Variants in GPC5 observed in about 807,000 individuals in gnomAD.
GPC5 encodes glypican 5.
In GPC5, 47 loss-of-function variants were observed where a neutral mutation model predicts 53.9. That is an observed-to-expected ratio of 0.87 (90% confidence interval 0.69 to 1.11). The LOEUF is 1.11. Among genes scored for constraint, GPC5 ranks in the 50% most tolerant of loss-of-function variants. The probability of loss-of-function intolerance (pLI) is 0.00; values close to 1 mark genes in which losing one functional copy is unlikely to be tolerated. For synonymous variants in GPC5, 286 were observed against 263.3 expected, an observed-to-expected ratio of 1.09 and a Z score of -0.84; for missense variants, 748 against 713.1, an observed-to-expected ratio of 1.05 and a Z score of -0.56.
chr13:91,451,334 G>C (rs1416506641), intron 2 of GPC5, among the ~76,000 whole-genome samples: 1 of 152,072 alleles, frequency 6.6e-6, no homozygotes, highest in Non-Finnish European at 1.5e-5. Flanking sequence ...TTTCCTCATG[G>C]ACCTTATGTG....
At chr13:91,770,084 C>T (rs1161356080) in intron 5 of GPC5, among the ~76,000 whole-genome samples, 1 of 152,222 alleles carries the variant, frequency 6.6e-6, no homozygotes, top group East Asian at 1.9e-4. Flanking sequence ...TTATCATTTG[C>T]TAGAATGGCT....
intron 7 of GPC5, among the ~76,000 whole-genome samples, chr13:92,253,935 T>A (rs1422142166): frequency 1.3e-5 from 2 of 152,036 alleles, no homozygotes; most frequent in Non-Finnish European, 2.9e-5. Context: ...CTATAGAGTG[T>A]CAGGGAACCA....
chr13:91,793,642 A>T (rs2038003631), intron 5 of GPC5, among the ~76,000 whole-genome samples: 1 of 152,048 alleles, frequency 6.6e-6, no homozygotes, highest in Non-Finnish European at 1.5e-5. Context: ...ACTACCTGAG[A>T]CTGCATAATT....
chr13:92,348,658 A>G (rs913454624), intron 7 of GPC5, among the ~76,000 whole-genome samples: 3 of 152,192 alleles, frequency 2.0e-5, no homozygotes, highest in Non-Finnish European at 2.9e-5. Context: ...AACATTCTCC[A>G]GGGTAGATCA....
At chr13:91,963,781 C>T (rs572602836) in intron 6 of GPC5, among the ~76,000 whole-genome samples, 1 of 152,084 alleles carries the variant, frequency 6.6e-6, no homozygotes, top group African/African-American at 2.4e-5. Context: ...ATGCCACAAT[C>T]TGATGGGGTA....
intron 6 of GPC5, among the ~76,000 whole-genome samples, chr13:92,032,459 C>T (rs577100843): frequency 8.0e-5 from 12 of 150,072 alleles, no homozygotes; most frequent in Non-Finnish European, 1.5e-4. Context: ...AAAAAAAAAA[C>T]AGAAACAAAA....
intron 7 of GPC5, among the ~76,000 whole-genome samples, chr13:92,853,459 TCAGG>T: frequency 6.6e-6 from 1 of 152,298 alleles, no homozygotes; most frequent in East Asian, 1.9e-4. Context: ...ATCCAAAGTT[TCAGG>T]CATCTACTAG....
chr13:92,004,461 TATA>T (rs1331019815), intron 6 of GPC5, among the ~76,000 whole-genome samples: 1,306 of 41,356 alleles, frequency 0.032, 38 homozygotes, highest in African/African-American at 0.068. Flanking sequence ...AAAAAAATTA[TATA>T]TATATATATA....
intron 2 of GPC5, among the ~76,000 whole-genome samples, chr13:91,609,228 C>T (rs1286519016): frequency 6.6e-6 from 1 of 151,482 alleles, no homozygotes; most frequent in African/African-American, 2.4e-5. Flanking sequence ...AATGCTGTAT[C>T]ATATTAGGTG....
At chr13:91,852,835 A>G (rs2038929395) in intron 5 of GPC5, among the ~76,000 whole-genome samples, 1 of 152,122 alleles carries the variant, frequency 6.6e-6, no homozygotes, top group Non-Finnish European at 1.5e-5. Flanking sequence ...TGTTATGTGG[A>G]GCATGCCTAT....
intron 6 of GPC5, among the ~76,000 whole-genome samples, chr13:91,949,185 A>T (rs1421771183): frequency 6.6e-6 from 1 of 152,200 alleles, no homozygotes; most frequent in Non-Finnish European, 1.5e-5. Flanking sequence ...TATTGCCTTC[A>T]GTTGTAACCA....
intron 7 of GPC5, among the ~76,000 whole-genome samples, chr13:92,535,913 A>G (rs986665227): frequency 2.0e-5 from 3 of 152,202 alleles, no homozygotes; most frequent in African/African-American, 7.2e-5. Context: ...AATCATGATT[A>G]TCTTAATCAA....
chr13:91,857,097 T>G (rs968586738), intron 5 of GPC5, among the ~76,000 whole-genome samples: 1 of 151,416 alleles, frequency 6.6e-6, no homozygotes, highest in African/African-American at 2.4e-5. Flanking sequence ...TTTCTATTAG[T>G]CTATTTATCT....
rs75951316 is a variant in GPC5, at chr13:91,924,040, C to T, written c.1401+15983C>T. 6.8e-4 allele frequency among the ~76,000 whole-genome samples: 104 copies of T among 152,100 alleles called. 1 individual carries two copies. In the East Asian group the frequency reaches 0.02, roughly 29 times the overall value. Reference sequence around the variant, plus strand: ...GAATCACATTACCCAAGAAGAGGCTCAATATTTCTAGAAAATAAATATATT... The same window carrying T: ...GAATCACATTACCCAAGAAGAGGCTTAATATTTCTAGAAAATAAATATATT... On this transcript the variant is annotated intron_variant, in intron 6 of 7. Coordinates refer to ENST00000377067, the MANE Select transcript of GPC5 (RefSeq NM_004466.6).
intron 7 of GPC5, among the ~76,000 whole-genome samples, chr13:92,863,073 C>T (rs1879232475): frequency 6.6e-6 from 1 of 152,162 alleles, no homozygotes; most frequent in Non-Finnish European, 1.5e-5. Flanking sequence ...CCCAAAGTAG[C>T]ACCTACTCAG....
In GPC5 at chr13:92,748,568, G is replaced by T. The variant is rs1248665411; in HGVS notation, c.1562-117714G>T. On this transcript the variant is annotated intron_variant, in intron 7 of 7. Coordinates refer to ENST00000377067, the MANE Select transcript of GPC5 (RefSeq NM_004466.6). The stretch of plus-strand genomic sequence containing the variant: ...GAACTCCTGACCTTGTGATCCACCT[G>T]CCTCGGCCTCCCAAAGTGCTGGGAT... Among the ~76,000 whole-genome samples the T allele has an allele frequency of 4.0e-5, 6 of 151,834 alleles. No individual in the cohort carries two copies. In the East Asian group the frequency reaches 1.2e-3, roughly 29 times the overall value.
chr13:92,795,162 G>A (rs1485044182), intron 7 of GPC5, among the ~76,000 whole-genome samples: 1 of 152,076 alleles, frequency 6.6e-6, no homozygotes, highest in African/African-American at 2.4e-5. Flanking sequence ...AACCAAAAAA[G>A]CATGGTACTG....
At chr13:91,841,116 A>G (rs1217945846) in intron 5 of GPC5, among the ~76,000 whole-genome samples, 1 of 151,976 alleles carries the variant, frequency 6.6e-6, no homozygotes, top group Non-Finnish European at 1.5e-5. Context: ...AGCAATTTAT[A>G]TATGAATTCC....
At chr13:91,650,669 A>G (rs1386628782) in intron 2 of GPC5, among the ~76,000 whole-genome samples, 2 of 151,638 alleles carry the variant, frequency 1.3e-5, no homozygotes, top group African/African-American at 2.4e-5. Context: ...TGTCCCAGTT[A>G]TCACTGACTA....
Sources: gnomAD v4.1 joint callset for allele counts (sites outside exome capture counted in the v4.1 genomes callset) on GRCh38, gnomAD v4.1.1 for gene constraint, MANE v1.5 for transcripts, NCBI Gene and HGNC (gene_info 2026-07-23, HGNC 2026-07-21) for gene names.